Variants in AXDND1 observed in about 807,000 individuals in gnomAD.
The protein encoded by AXDND1 is axonemal dynein light chain domain-containing protein 1.
Under a neutral mutation model 137.5 loss-of-function variants are expected in AXDND1, and 110 were observed. The ratio of observed to expected loss-of-function variants is 0.80; its 90% CI spans 0.69 to 0.94. The LOEUF (loss-of-function observed/expected upper bound fraction) is 0.94, where lower values mean the gene tolerates loss of function less well. AXDND1 is among the 40% of genes least tolerant of loss of function. AXDND1 has a pLI of 0.00. For missense variants in AXDND1, 1,191 were observed against 1,169.8 expected, an observed-to-expected ratio of 1.02 and a Z score of -0.26; for synonymous variants, 414 against 399.7, an observed-to-expected ratio of 1.04 and a Z score of -0.43.
intron 9 of AXDND1, among the ~76,000 whole-genome samples, chr1:179,389,540 C>T (rs891839060): frequency 6.6e-6 from 1 of 152,188 alleles, no homozygotes; most frequent in South Asian, 2.1e-4. Flanking sequence ...GCCCACGTCT[C>T]CCACTTTGAA....
chr1:179,541,486 T>G (rs112960546), intron 25 of AXDND1, among the ~76,000 whole-genome samples: 6,233 of 151,880 alleles, frequency 0.041, 405 homozygotes, highest in African/African-American at 0.14. Context: ...TTTGTTTTTT[T>G]TTTTTTTTTA....
At chr1:179,452,837 T>C (rs1660743388) in intron 16 of AXDND1, 1 of 150,070 alleles carries the variant, frequency 6.7e-6, no homozygotes, top group African/African-American at 2.5e-5. Flanking sequence ...CTTCAGGGCA[T>C]GTCATAGGTC....
chr1:179,416,500 C>G lies in AXDND1; in HGVS notation c.1230+5234C>G, dbSNP rs1654733053. 2.6e-5 allele frequency among the ~76,000 whole-genome samples: 4 copies of G among 152,128 alleles called. No individual in the cohort carries two copies. The South Asian group carries it at 8.3e-4, about 31-fold the overall frequency. ...TTTTTTGAGGAACCTCCATAATGTT[C>G]TCCACAGTGGCTATACTAATTTACA... On this transcript the variant is annotated intron_variant, in intron 12 of 25. Transcript: ENST00000367618.
rs184875725 is a variant in AXDND1 at position 179,518,197 on chromosome 1, G to C, written c.2497-7137G>C. ...TTTTCTGCGAACTGGTCCTAGTTCAGTCTTTTCTGGTTAATATGAACAGGG... is the reference window on the plus strand; with the variant it reads ...TTTTCTGCGAACTGGTCCTAGTTCACTCTTTTCTGGTTAATATGAACAGGG... On this transcript the variant is annotated intron_variant, in intron 21 of 25. Coordinates refer to ENST00000367618, the MANE Select transcript of AXDND1 (RefSeq NM_144696.6). Among the ~76,000 whole-genome samples, 942 of 152,204 alleles carry C rather than the reference G, an allele frequency of 6.2e-3. 15 individuals carry two copies. The highest frequency in any genetic ancestry group is 0.022 in the African/African-American group (912 of 41,520).
At chr1:179,520,934 A>G (rs1669996253) in intron 21 of AXDND1, among the ~76,000 whole-genome samples, 1 of 116,624 alleles carries the variant, frequency 8.6e-6, no homozygotes, top group African/African-American at 3.1e-5. Flanking sequence ...TATATAATCA[A>G]TTTCTGTATT....
At chr1:179,450,386 G>A (rs1283442622) in intron 16 of AXDND1, 1 of 152,170 alleles carries the variant, frequency 6.6e-6, no homozygotes, top group African/African-American at 2.4e-5. Context: ...GAAATGGTGG[G>A]AGTAGATATT....
At chr1:179,366,308 C>T (rs996734907) in intron 1 of AXDND1, 96 bp from the exon 2 acceptor site, 2 of 461,726 alleles carry the variant, frequency 4.3e-6, no homozygotes, top group African/African-American at 4.0e-5. Context: ...AGAAGGAGAA[C>T]CATGCTAGAT....
intron 4 of AXDND1, among the ~76,000 whole-genome samples, chr1:179,370,846 G>C (rs1479604928): frequency 1.3e-5 from 2 of 152,166 alleles, no homozygotes; most frequent in African/African-American, 4.8e-5. Context: ...AGTTTTGTGT[G>C]CCTCCCAGGG....
chr1:179,402,241 G>A (rs1314865387), intron 11 of AXDND1, among the ~76,000 whole-genome samples: 1 of 151,502 alleles, frequency 6.6e-6, no homozygotes, highest in East Asian at 1.9e-4. Flanking sequence ...TGTAACATGA[G>A]ATACTTTATT....
At position 179,500,278 on chromosome 1, in the gene AXDND1, T is replaced by C. The variant is rs535031514; in HGVS notation, c.2388+7327T>C. 2.0e-5 allele frequency among the ~76,000 whole-genome samples: 3 copies of C among 150,730 alleles called. No homozygotes were observed. In the East Asian group the frequency reaches 5.9e-4, roughly 30 times the overall value. On this transcript the variant is annotated intron_variant, in intron 20 of 25. Transcript: ENST00000367618. ...GGTACACTGGATACAACCCAATTGA[T>C]AAAAAATTAATGGCTATATATGTAT...
intron 11 of AXDND1, among the ~76,000 whole-genome samples, chr1:179,399,391 C>A (rs1651584475): frequency 6.6e-6 from 1 of 152,142 alleles, no homozygotes; most frequent in South Asian, 2.1e-4. Flanking sequence ...GAGAATGATA[C>A]CAGATCCTCA....
intron 21 of AXDND1, among the ~76,000 whole-genome samples, chr1:179,523,586 A>G (rs1472521534): frequency 2.0e-5 from 3 of 152,144 alleles, no homozygotes; most frequent in Non-Finnish European, 4.4e-5. Context: ...TTCTGGCTCT[A>G]TGGATTTGCC....
At chr1:179,483,252 A>G in intron 18 of AXDND1, 31 bp downstream of exon 18, 2 of 1,497,704 alleles carry the variant, frequency 1.3e-6, no homozygotes, top group Non-Finnish European at 1.8e-6. Flanking sequence ...TTGACGTTAT[A>G]TTTTGCCTCG....
At chr1:179,532,044 G>A (rs1671085222) in intron 23 of AXDND1, among the ~76,000 whole-genome samples, 1 of 152,172 alleles carries the variant, frequency 6.6e-6, no homozygotes, top group African/African-American at 2.4e-5. Flanking sequence ...ATGCATGGGG[G>A]ATTGCCATCT....
At chr1:179,431,660 G>A (rs531284917) in intron 14 of AXDND1, among the ~76,000 whole-genome samples, 5 of 151,820 alleles carry the variant, frequency 3.3e-5, no homozygotes, top group Admixed American at 1.3e-4. Flanking sequence ...CCCCTTAAAG[G>A]TTTCCCCATT....
intron 16 of AXDND1, chr1:179,448,020 T>C (rs1330682987): frequency 5.8e-6 from 8 of 1,387,884 alleles, no homozygotes; most frequent in South Asian, 1.2e-5. Flanking sequence ...GGCTTTTCAC[T>C]GGAACTGTGA....
At chr1:179,542,640 C>T (rs1028902) in intron 25 of AXDND1, among the ~76,000 whole-genome samples, 152,071 of 152,362 alleles carry the variant, frequency 1, 75,892 homozygotes, top group Non-Finnish European at 1. Context: ...AAGCAAACCA[C>T]CCAAAAAGCC....
chr1:179,468,952 GA>G (rs1663578656), intron 17 of AXDND1, among the ~76,000 whole-genome samples: 1 of 149,908 alleles, frequency 6.7e-6, no homozygotes, highest in African/African-American at 2.5e-5. Flanking sequence ...TTTTTGAGGC[GA>G]AGTCTTGCTC....
At chr1:179,466,279 C>CTTTT (rs1663168573) in intron 16 of AXDND1, among the ~76,000 whole-genome samples, 1 of 107,130 alleles carries the variant, frequency 9.3e-6, no homozygotes, top group Non-Finnish European at 1.9e-5. Context: ...CTTTCTTCTT[C>CTTTT]TTCTTCTTTT....
Sources: gnomAD v4.1 joint callset for allele counts (sites outside exome capture counted in the v4.1 genomes callset) on GRCh38, gnomAD v4.1.1 for gene constraint, MANE v1.5 for transcripts, NCBI Gene and HGNC (gene_info 2026-07-23, HGNC 2026-07-21) for gene names.